NELL1: variants seen among roughly 807,000 people sequenced by gnomAD.
NELL1 encodes neural EGFL like 1, also known as protein kinase C-binding protein NELL1.
In NELL1, 76 loss-of-function variants were observed where a neutral mutation model predicts 107.4. That is an observed-to-expected ratio of 0.71 (90% CI 0.59 to 0.86). NELL1 has a LOEUF of 0.86. Among genes scored for constraint, NELL1 ranks in the 40% least tolerant of loss-of-function variants. The probability of loss-of-function intolerance (pLI) is 0.00; values close to 1 mark genes in which losing one functional copy is unlikely to be tolerated. For missense variants in NELL1, 1,024 were observed against 1,005.5 expected, an observed-to-expected ratio of 1.02 and a Z score of -0.25; for synonymous variants, 353 against 341.2, an observed-to-expected ratio of 1.03 and a Z score of -0.38.
intron 5 of NELL1, among the ~76,000 whole-genome samples, chr11:20,914,915 C>A (rs1850212229): frequency 6.6e-6 from 1 of 152,090 alleles, no homozygotes; most frequent in South Asian, 2.1e-4. Context: ...CAACCTCTTC[C>A]AAAATTCTGA....
chr11:20,733,643 T>C (rs75942248), intron 2 of NELL1, among the ~76,000 whole-genome samples: 1,752 of 152,298 alleles, frequency 0.012, 36 homozygotes, highest in African/African-American at 0.04. Context: ...TGTGCAGTCA[T>C]TGAGGCTACA....
chr11:20,802,932 G>A (rs1217924452), intron 3 of NELL1, among the ~76,000 whole-genome samples: 1 of 152,130 alleles, frequency 6.6e-6, no homozygotes, highest in East Asian at 1.9e-4. Context: ...TGGTCATGAT[G>A]AATGATCTTT....
In NELL1 at chr11:21,343,195, C is replaced by T. The variant is rs142761667; in HGVS notation, c.1550-27658C>T. Among the ~76,000 whole-genome samples, 1,071 of 151,902 alleles carry T rather than the reference C, an allele frequency of 7.1e-3. 35 individuals are homozygous for T. Among genetic ancestry groups the T allele is most frequent in the Admixed American group, 0.066 (998 of 15,228 alleles). Reference sequence around the variant, plus strand: ...ATTCCATACAAATAAAGTCCAGACTCCCCAGCATGGCATACAAGATTCTTC... The same window carrying T: ...ATTCCATACAAATAAAGTCCAGACTTCCCAGCATGGCATACAAGATTCTTC... On this transcript the variant is annotated intron_variant, in intron 14 of 19. Coordinates refer to ENST00000357134, the MANE Select transcript of NELL1 (RefSeq NM_006157.5).
intron 13 of NELL1, among the ~76,000 whole-genome samples, chr11:21,180,160 G>C (rs1378154918): frequency 6.6e-6 from 1 of 151,442 alleles, no homozygotes; most frequent in Non-Finnish European, 1.5e-5. Flanking sequence ...ATATACATTA[G>C]GCAATGTCAT....
intron 12 of NELL1, among the ~76,000 whole-genome samples, chr11:21,021,839 A>G (rs1245519806): frequency 6.6e-6 from 1 of 152,092 alleles, no homozygotes; most frequent in Non-Finnish European, 1.5e-5. Context: ...AGCAAATTGA[A>G]CTTGCGTCCT....
chr11:21,425,454 AT>A (rs1852796461), intron 15 of NELL1, among the ~76,000 whole-genome samples: 1 of 152,182 alleles, frequency 6.6e-6, no homozygotes, highest in South Asian at 2.1e-4. Flanking sequence ...GTTTTTCTGA[AT>A]TATCAGGGTG....
rs1344219711 is a variant in NELL1 at position 21,232,167 on chromosome 11, T to TATATATATAC, written c.1549+2722_1549+2723insCATATATATA. ...AAAAATAAAAAAAAAAAAATATATA[T>TATATATATAC]ATATATATATAAATTAGCTGGGCGT... On this transcript the variant is annotated intron_variant, in intron 14 of 19. Coordinates refer to ENST00000357134, the MANE Select transcript of NELL1 (RefSeq NM_006157.5). Among the ~76,000 whole-genome samples the TATATATATAC allele has an allele frequency of 9.3e-5, 8 of 86,374 alleles. 1 individual carries two copies. Among genetic ancestry groups the TATATATATAC allele is most frequent in the Non-Finnish European group, 1.8e-4 (7 of 39,558 alleles). The allele number at this position is 86,374 out of a possible 152,430, so 56.7% of individuals were successfully genotyped here.
chr11:21,556,897 A>G (rs1022508748), intron 16 of NELL1, among the ~76,000 whole-genome samples: 3 of 151,968 alleles, frequency 2.0e-5, no homozygotes, highest in Non-Finnish European at 4.4e-5. Flanking sequence ...AAATACTCAA[A>G]TACTTCGTGT....
At position 20,885,427 on chromosome 11, in the gene NELL1, G is replaced by A; in HGVS notation, c.507-17G>A. 6.5e-7 allele frequency: 1 copy of A among 1,530,286 alleles called. No individual in the cohort carries two copies. The highest frequency in any genetic ancestry group is 9.1e-7 in the Non-Finnish European group (1 of 1,103,686). The allele number at this position is 1,530,286 out of a possible 1,614,324, so 94.8% of individuals were successfully genotyped here. A position where few individuals can be genotyped will look rare whatever the true frequency, so the allele number is the denominator to read the frequency against. On this transcript the variant is annotated splice_polypyrimidine_tract_variant and intron_variant, in intron 4 of 19. Transcript: ENST00000357134. ...TTTGAGCCTCTCTATTAGTAACTGTGTTCTTTGCCTTTACAGGATTTATGA... is the reference window on the plus strand; with the variant it reads ...TTTGAGCCTCTCTATTAGTAACTGTATTCTTTGCCTTTACAGGATTTATGA...
intron 15 of NELL1, among the ~76,000 whole-genome samples, chr11:21,452,882 A>T (rs1853622706): frequency 6.6e-6 from 1 of 151,870 alleles, no homozygotes; most frequent in South Asian, 2.1e-4. Flanking sequence ...TTTAATTTGA[A>T]CAAATTTTAT....
At chr11:20,792,628 GC>G (rs1027713444) in intron 3 of NELL1, among the ~76,000 whole-genome samples, 6 of 151,664 alleles carry the variant, frequency 4.0e-5, no homozygotes, top group African/African-American at 1.2e-4. Context: ...TTTTGTGTCT[GC>G]CCCCTTTTAT....
chr11:21,283,850 T>C (rs1849050443), intron 14 of NELL1: 1 of 209,068 alleles, frequency 4.8e-6, no homozygotes, highest in African/African-American at 2.3e-5. Context: ...CATTCTTGGC[T>C]ACTCCTGGGA....
In NELL1 at chr11:20,866,308, G is replaced by T. The variant is rs146670588; in HGVS notation, c.506+18555G>T. On this transcript the variant is annotated intron_variant, in intron 4 of 19. Coordinates refer to ENST00000357134, the MANE Select transcript of NELL1 (RefSeq NM_006157.5). ...AGGACCTAACAAAATACCCTCCAAA[G>T]CTGAGGCCACAGGACCGCCTGTTCT... is the stretch of plus-strand genomic sequence containing the variant. Among the ~76,000 whole-genome samples, 308 of 152,240 alleles carry T rather than the reference G, an allele frequency of 2.0e-3. 2 individuals carry two copies. Among genetic ancestry groups the T allele is most frequent in the African/African-American group, 7.0e-3 (292 of 41,532 alleles).
At chr11:21,168,034 A>G (rs991253009) in intron 13 of NELL1, among the ~76,000 whole-genome samples, 1 of 151,756 alleles carries the variant, frequency 6.6e-6, no homozygotes, top group African/African-American at 2.4e-5. Flanking sequence ...CAAGGATTTT[A>G]AGCTTTATGA....
At chr11:20,780,745 G>T (rs1490614806) in intron 2 of NELL1, among the ~76,000 whole-genome samples, 1 of 152,182 alleles carries the variant, frequency 6.6e-6, no homozygotes, top group African/African-American at 2.4e-5. Context: ...TGCATTTACA[G>T]TGAAAGCTGA....
chr11:20,998,125 T>C (rs533143003), intron 12 of NELL1, among the ~76,000 whole-genome samples: 29 of 152,218 alleles, frequency 1.9e-4, no homozygotes, highest in Non-Finnish European at 3.5e-4. Context: ...CCTGAGATTT[T>C]TAGAATATTT....
At chr11:21,448,594 C>A (rs1853503372) in intron 15 of NELL1, among the ~76,000 whole-genome samples, 1 of 152,086 alleles carries the variant, frequency 6.6e-6, no homozygotes, top group Admixed American at 6.5e-5. Context: ...AAAAACTGTA[C>A]CCATTTCAGG....
chr11:21,411,944 G>T (rs1345529020), intron 15 of NELL1, among the ~76,000 whole-genome samples: 1 of 152,030 alleles, frequency 6.6e-6, no homozygotes, highest in Admixed American at 6.6e-5. Flanking sequence ...TTGTACTGAT[G>T]ACCTTTCTCA....
chr11:21,230,857 G>T (rs1858029550), intron 14 of NELL1, among the ~76,000 whole-genome samples: 1 of 151,940 alleles, frequency 6.6e-6, no homozygotes, highest in African/African-American at 2.4e-5. Flanking sequence ...AACATTCAAA[G>T]TACGTATTCT....
Sources: gnomAD v4.1 joint callset for allele counts (sites outside exome capture counted in the v4.1 genomes callset) on GRCh38, gnomAD v4.1.1 for gene constraint, MANE v1.5 for transcripts, NCBI Gene and HGNC (gene_info 2026-07-23, HGNC 2026-07-21) for gene names.